FAM50B: variants seen among roughly 807,000 people sequenced by gnomAD.
The protein encoded by FAM50B is family with sequence similarity 50 member B.
A neutral mutation model predicts 25.4 loss-of-function variants in FAM50B; 9 were observed. The ratio of observed to expected loss-of-function variants is 0.35; its 90% confidence interval spans 0.21 to 0.62. FAM50B has a LOEUF of 0.62. FAM50B is among the 20% of genes least tolerant of loss of function. The probability of loss-of-function intolerance (pLI) is 0.73; values close to 1 mark genes in which losing one functional copy is unlikely to be tolerated. For synonymous variants in FAM50B, 212 were observed against 204.3 expected (o/e 1.04, Z -0.32); for missense variants, 372 against 477.9 (o/e 0.78, Z 2.07).
Position 3,849,769 on chromosome 6 carries a change from G to A in FAM50B, c.-23-20G>A. 5 of 1,555,048 alleles carry A rather than the reference G, an allele frequency of 3.2e-6. No homozygotes were observed. Among genetic ancestry groups the A allele is most frequent in the South Asian group, 1.2e-5 (1 of 83,316 alleles). ...GCGTGGGCCCCCCTCTACCTGCCGCGTTTTTCCTCTTTGCTGCAGAGCCCA... is the reference window on the plus strand; with the variant it reads ...GCGTGGGCCCCCCTCTACCTGCCGCATTTTTCCTCTTTGCTGCAGAGCCCA... On this transcript the variant is annotated intron_variant, in intron 1 of 1. Coordinates refer to ENST00000648326, the MANE Select transcript of FAM50B (RefSeq NM_012135.3).
In FAM50B at chr6:3,849,862, C is replaced by T; in HGVS notation, c.51C>T (p.Leu17=). Residue 17 remains leucine, a synonymous_variant, in exon 2 of 2, where the codon CTC becomes CTT. Coordinates refer to ENST00000648326, the MANE Select transcript of FAM50B (RefSeq NM_012135.3). ...TMREAGRAMH[L]LKKRERQREQ... ...GCGAGGCAGGCCGTGCCATGCACCT[C>T]CTCAAGAAGCGCGAAAGGCAGCGGG... The T allele has an allele frequency of 1.9e-6, 3 of 1,613,478 alleles. No individual in the cohort carries two copies. Among genetic ancestry groups the T allele is most frequent in the African/African-American group, 1.3e-5 (1 of 75,076 alleles).
chr6:3,849,144 C>A (rs1198351467), upstream of FAM50B, among the ~76,000 whole-genome samples: 1 of 152,224 alleles, frequency 6.6e-6, no homozygotes, highest in African/African-American at 2.4e-5. Context: ...AAAACAGGAG[C>A]CCCGGCCAGC....
the FAM50B span, among the ~76,000 whole-genome samples, chr6:3,838,689 A>T: frequency 6.6e-6 from 1 of 152,128 alleles, no homozygotes; most frequent in East Asian, 1.9e-4. Context: ...TAAAATACAA[A>T]AAATTAGCAG....
chr6:3,842,402 T>A, the FAM50B span, among the ~76,000 whole-genome samples: 1 of 152,220 alleles, frequency 6.6e-6, no homozygotes, highest in African/African-American at 2.4e-5. Flanking sequence ...AACACTTTCA[T>A]CTTCTACGTT....
At chr6:3,839,407 T>C in the FAM50B span, among the ~76,000 whole-genome samples, 39 of 151,926 alleles carry the variant, frequency 2.6e-4, no homozygotes, top group Admixed American at 6.5e-4. Flanking sequence ...TTGGGATCCA[T>C]TGTCAACATG....
At chr6:3,833,970 T>C in the FAM50B span, 1 of 152,260 alleles carries the variant, frequency 6.6e-6, no homozygotes, top group Non-Finnish European at 1.5e-5. Flanking sequence ...GCTTTGTAAT[T>C]TGCAAATGAA....
At chr6:3,833,476 C>T in the FAM50B span, 1 of 152,242 alleles carries the variant, frequency 6.6e-6, no homozygotes, top group East Asian at 1.9e-4. Context: ...TTCCATTTTC[C>T]CTTCCTCTTG....
Position 3,849,797 on chromosome 6 carries a change from G to C in FAM50B, c.-15G>C. On this transcript the variant is annotated 5_prime_UTR_variant, in exon 2 of 2. Transcript: ENST00000648326. Reference sequence around the variant, plus strand: ...TTTCCTCTTTGCTGCAGAGCCCATCGGGTAGGCGCGGGCCATGGCGCAGTA... The same window carrying C: ...TTTCCTCTTTGCTGCAGAGCCCATCCGGTAGGCGCGGGCCATGGCGCAGTA... 1 of 1,591,136 alleles carries C rather than the reference G, an allele frequency of 6.3e-7. No homozygotes were observed. Among genetic ancestry groups the C allele is most frequent in the Non-Finnish European group, 8.6e-7 (1 of 1,166,334 alleles).
chr6:3,840,024 A>T, the FAM50B span, among the ~76,000 whole-genome samples: 800 of 152,012 alleles, frequency 5.3e-3, 8 homozygotes, highest in African/African-American at 0.018. Context: ...ACGGAGTCTC[A>T]CTCTGTCGCC....
intron 1 of FAM50B, 70 bp from the exon 2 acceptor site, chr6:3,849,719 G>A: frequency 1.4e-6 from 2 of 1,461,640 alleles, no homozygotes; most frequent in Non-Finnish European, 9.0e-7. Flanking sequence ...GTGAGGAGGC[G>A]CAGAGCTGAG....
chr6:3,841,592 A>G, the FAM50B span, among the ~76,000 whole-genome samples: 3 of 152,198 alleles, frequency 2.0e-5, no homozygotes, highest in Non-Finnish European at 4.4e-5. Flanking sequence ...AACACCATAA[A>G]TGAGATAACA....
At chr6:3,843,896 G>A in the FAM50B span, among the ~76,000 whole-genome samples, 1 of 152,214 alleles carries the variant, frequency 6.6e-6, no homozygotes, top group Non-Finnish European at 1.5e-5. Context: ...TCAGGATACT[G>A]TGGTGGTGTT....
Position 3,850,464 on chromosome 6 carries a change from AG to A in FAM50B, c.657del (p.Leu220CysfsTer124), listed in dbSNP as rs749859761. On this transcript the variant is annotated frameshift_variant, in exon 2 of 2. Coordinates refer to ENST00000648326, the MANE Select transcript of FAM50B (RefSeq NM_012135.3). LOFTEE classifies it high-confidence loss of function. ...TVQQFLKKAL[Q>X]GLRKDFLELR... ...CAGCAGTTCCTGAAGAAGGCGCTGC[AG>A]GGGCTGCGCAAGGACTTCCTGGAGC... 6.2e-7 allele frequency: 1 copy of A among 1,613,546 alleles called. No homozygotes were observed. The highest frequency in any genetic ancestry group is 8.5e-7 in the Non-Finnish European group (1 of 1,180,004).
upstream of FAM50B, among the ~76,000 whole-genome samples, chr6:3,848,855 G>A (rs1762155130): frequency 6.6e-6 from 1 of 152,188 alleles, no homozygotes; most frequent in African/African-American, 2.4e-5. Flanking sequence ...TCACGAAACT[G>A]GGGGGCGAGT....
At chr6:3,846,078 C>T (rs1762117728), upstream of FAM50B, among the ~76,000 whole-genome samples, 1 of 152,048 alleles carries the variant, frequency 6.6e-6, no homozygotes, top group Non-Finnish European at 1.5e-5. Flanking sequence ...CTGCAGGGGT[C>T]CACCTATTAG....
chr6:3,850,504 C>G lies in FAM50B; in HGVS notation c.693C>G (p.Gly231=). The G allele has an allele frequency of 6.2e-7, 1 of 1,613,750 alleles. No homozygotes were observed. Among genetic ancestry groups the G allele is most frequent in the African/African-American group, 1.3e-5 (1 of 75,072 alleles). ...RKDFLELRSA[G]VEQLMFIKED... Reference sequence around the variant, plus strand: ...ACTTCCTGGAGCTGCGCTCCGCCGGCGTGGAGCAGCTCATGTTCATCAAGG... The same window carrying G: ...ACTTCCTGGAGCTGCGCTCCGCCGGGGTGGAGCAGCTCATGTTCATCAAGG... Residue 231 remains glycine (G), a synonymous_variant, in exon 2 of 2, where the codon GGC becomes GGG. Coordinates refer to ENST00000648326, the MANE Select transcript of FAM50B (RefSeq NM_012135.3).
At chr6:3,848,731 G>A (rs554238642), upstream of FAM50B, among the ~76,000 whole-genome samples, 189 of 152,284 alleles carry the variant, frequency 1.2e-3, 1 homozygote, top group African/African-American at 4.3e-3. Context: ...CATGTTAGAG[G>A]CTCACAGTAA....
the FAM50B span, among the ~76,000 whole-genome samples, chr6:3,838,856 AAAAAC>A: frequency 6.6e-6 from 1 of 150,886 alleles, no homozygotes; most frequent in African/African-American, 2.4e-5. Flanking sequence ...AAAAAAAAAA[AAAAAC>A]ACACACACAA....
upstream of FAM50B, among the ~76,000 whole-genome samples, chr6:3,845,689 A>G (rs752553938): frequency 1.3e-5 from 2 of 152,076 alleles, no homozygotes; most frequent in Non-Finnish European, 2.9e-5. Flanking sequence ...CTTTCTAGAA[A>G]GAGTACGTCC....
Sources: allele counts gnomAD v4.1 joint callset (sites outside exome capture counted in the v4.1 genomes callset), GRCh38; gene constraint gnomAD v4.1.1; transcripts MANE v1.5; gene names NCBI Gene and HGNC (gene_info 2026-07-23, HGNC 2026-07-21).